Variants in PRKG1 observed in about 807,000 individuals in gnomAD.
The protein encoded by PRKG1 is protein kinase cGMP-dependent 1, also known as cGMP-dependent protein kinase 1.
A neutral mutation model predicts 88.1 loss-of-function variants in PRKG1; 35 were observed. The ratio of observed to expected loss-of-function variants is 0.40; its 90% confidence interval spans 0.30 to 0.53. The LOEUF (loss-of-function observed/expected upper bound fraction) is 0.53. PRKG1 is among the 20% of genes least tolerant of loss of function. The pLI, the probability that PRKG1 is intolerant of heterozygous loss-of-function variation, is 0.59. For missense variants in PRKG1, 540 were observed against 839.8 expected (o/e 0.64, Z 4.41); for synonymous variants, 303 against 292.5 (o/e 1.04, Z -0.37).
intron 2 of PRKG1, among the ~76,000 whole-genome samples, chr10:51,290,196 T>C (rs1840546913): frequency 6.6e-6 from 1 of 152,076 alleles, no homozygotes; most frequent in Admixed American, 6.6e-5. Context: ...ACTATGATTG[T>C]GCTACTGCAC....
intron 2 of PRKG1, among the ~76,000 whole-genome samples, chr10:51,441,944 C>G (rs181801541): frequency 6.6e-6 from 1 of 151,892 alleles, no homozygotes; most frequent in Admixed American, 6.6e-5. Flanking sequence ...GCATCTGTCC[C>G]TTTACTGAAT....
intron 1 of PRKG1, among the ~76,000 whole-genome samples, chr10:51,095,314 C>T (rs564981838): frequency 1.3e-5 from 2 of 152,072 alleles, no homozygotes; most frequent in Non-Finnish European, 2.9e-5. Context: ...TAGTTTTTCT[C>T]TTCTATATGA....
chr10:51,458,646 A>C (rs1839658029), intron 2 of PRKG1, among the ~76,000 whole-genome samples: 1 of 152,132 alleles, frequency 6.6e-6, no homozygotes, highest in Non-Finnish European at 1.5e-5. Flanking sequence ...TGAAGCCAGG[A>C]TATCTGCTAA....
chr10:52,077,437 T>C (rs1846658529), intron 7 of PRKG1, among the ~76,000 whole-genome samples: 1 of 152,180 alleles, frequency 6.6e-6, no homozygotes, highest in South Asian at 2.1e-4. Context: ...GAATTTTATA[T>C]AGAGATGACA....
chr10:52,050,572 G>A (rs1845965932), intron 5 of PRKG1, among the ~76,000 whole-genome samples: 1 of 152,114 alleles, frequency 6.6e-6, no homozygotes, highest in Admixed American at 6.6e-5. Flanking sequence ...AGTCATTACA[G>A]TCCTGGTGTT....
At chr10:51,430,534 C>T (rs1299265386) in intron 2 of PRKG1, among the ~76,000 whole-genome samples, 1 of 152,170 alleles carries the variant, frequency 6.6e-6, no homozygotes, top group African/African-American at 2.4e-5. Flanking sequence ...GATATAGCCT[C>T]TTTGATAAAC....
chr10:51,422,822 C>A (rs1838455374), intron 2 of PRKG1, among the ~76,000 whole-genome samples: 1 of 152,026 alleles, frequency 6.6e-6, no homozygotes, highest in South Asian at 2.1e-4. Context: ...GTCATGATTG[C>A]CTTTATCTGA....
chr10:51,202,637 A>G (rs3957131), intron 2 of PRKG1, among the ~76,000 whole-genome samples: 3 of 152,228 alleles, frequency 2.0e-5, no homozygotes, highest in African/African-American at 7.2e-5. Flanking sequence ...AGAGTGAGTT[A>G]AAAGAAATAC....
At chr10:51,935,743 G>GT (rs534583015) in intron 5 of PRKG1, among the ~76,000 whole-genome samples, 246 of 151,910 alleles carry the variant, frequency 1.6e-3, no homozygotes, top group African/African-American at 5.5e-3. Flanking sequence ...ACTTTTCTAG[G>GT]TTTTTTTGCC....
chr10:52,228,135 C>T (rs1454620936), intron 9 of PRKG1, among the ~76,000 whole-genome samples: 2 of 152,096 alleles, frequency 1.3e-5, no homozygotes, highest in Non-Finnish European at 2.9e-5. Context: ...AGTCAGAACA[C>T]TGGTGATGTT....
intron 2 of PRKG1, chr10:51,245,668 T>C (rs1839270435): frequency 6.6e-6 from 1 of 152,098 alleles, no homozygotes; most frequent in Non-Finnish European, 1.5e-5. Flanking sequence ...AGAATATATA[T>C]ATTAGGTTGC....
chr10:51,641,974 G>C (rs1159758105), intron 3 of PRKG1, among the ~76,000 whole-genome samples: 1 of 152,080 alleles, frequency 6.6e-6, no homozygotes, highest in Non-Finnish European at 1.5e-5. Context: ...AGGTGAAAGG[G>C]GGAATATTTG....
intron 5 of PRKG1, among the ~76,000 whole-genome samples, chr10:51,929,060 A>G (rs1842635100): frequency 6.6e-6 from 1 of 152,194 alleles, no homozygotes; most frequent in Non-Finnish European, 1.5e-5. Flanking sequence ...TACTTTCAAC[A>G]TTAATGTATA....
At chr10:52,229,178 A>G (rs534094896) in intron 9 of PRKG1, among the ~76,000 whole-genome samples, 2 of 152,304 alleles carry the variant, frequency 1.3e-5, no homozygotes, top group African/African-American at 4.8e-5. Context: ...ACCTCTGAGA[A>G]TGTCCCCCCA....
At chr10:52,190,150 A>C (rs908148042) in intron 9 of PRKG1, among the ~76,000 whole-genome samples, 5 of 152,228 alleles carry the variant, frequency 3.3e-5, no homozygotes, top group Non-Finnish European at 7.3e-5. Flanking sequence ...GAAAATCATC[A>C]GGAGCCCATA....
chr10:51,242,203 G>A (rs969498226), intron 2 of PRKG1, among the ~76,000 whole-genome samples: 1 of 152,080 alleles, frequency 6.6e-6, no homozygotes, highest in East Asian at 1.9e-4. Context: ...CAATAACCAA[G>A]CGCAAGTGTC....
chr10:51,098,512 C>T (rs1038683834), intron 1 of PRKG1, among the ~76,000 whole-genome samples: 6 of 152,082 alleles, frequency 3.9e-5, no homozygotes, highest in South Asian at 2.1e-4. Context: ...CTCTTAAGGA[C>T]AGGTCACTGA....
intron 2 of PRKG1, among the ~76,000 whole-genome samples, chr10:51,453,921 C>T (rs1460308648): frequency 6.6e-6 from 1 of 152,016 alleles, no homozygotes; most frequent in Non-Finnish European, 1.5e-5. Context: ...AATCAATGTA[C>T]ACAAATCAGT....
chr10:52,048,812 C>A (rs1414044905), intron 5 of PRKG1, among the ~76,000 whole-genome samples: 1 of 152,060 alleles, frequency 6.6e-6, no homozygotes, highest in Non-Finnish European at 1.5e-5. Flanking sequence ...CTCTATCTAT[C>A]CTCCTAATCT....
Sources: allele counts gnomAD v4.1 joint callset (sites outside exome capture counted in the v4.1 genomes callset), GRCh38; gene constraint gnomAD v4.1.1; transcripts MANE v1.5; gene names NCBI Gene and HGNC (gene_info 2026-07-23, HGNC 2026-07-21).